NIPBL: variants seen among roughly 807,000 people sequenced by gnomAD.
NIPBL encodes the protein NIPBL cohesin loading factor, also known as nipped-B-like protein.
Under a neutral mutation model 321.8 loss-of-function variants are expected in NIPBL, and 19 were observed. That is an observed-to-expected ratio of 0.06 (90% CI 0.04 to 0.09). The LOEUF (loss-of-function observed/expected upper bound fraction) is 0.09, where lower values mean the gene tolerates loss of function less well. Among genes scored for constraint, NIPBL ranks in the 10% least tolerant of loss-of-function variants. NIPBL has a pLI of 1.00. For synonymous variants in NIPBL, 1,106 were observed against 1,114.1 expected (o/e 0.99, Z 0.14); for missense variants, 2,210 against 3,327.0 (o/e 0.66, Z 8.26).
chr5:37,029,174 C>T (rs888210046), intron 32 of NIPBL, among the ~76,000 whole-genome samples: 1 of 152,154 alleles, frequency 6.6e-6, no homozygotes, highest in African/African-American at 2.4e-5. Context: ...TGATGATATA[C>T]AGTCATGTAA....
intron 31 of NIPBL, 25 bp downstream of exon 31, chr5:37,026,352 T>C: frequency 1.5e-6 from 2 of 1,359,512 alleles, no homozygotes; most frequent in Non-Finnish European, 2.1e-6. Context: ...AACAAGGGTG[T>C]GGTCACTGTT....
intron 16 of NIPBL, among the ~76,000 whole-genome samples, chr5:37,005,130 G>A (rs1747273854): frequency 6.6e-6 from 1 of 152,118 alleles, no homozygotes; most frequent in African/African-American, 2.4e-5. Context: ...TTTATATGTA[G>A]TCCAAGACAA....
intron 4 of NIPBL, among the ~76,000 whole-genome samples, chr5:36,960,824 A>C (rs1741532777): frequency 6.6e-6 from 1 of 152,182 alleles, no homozygotes; most frequent in Admixed American, 6.5e-5. Flanking sequence ...TTGAGAAATA[A>C]TGTCTAGCTT....
rs1220076769 is a variant in NIPBL at position 37,058,973 on chromosome 5, C to T, written c.7493C>T (p.Ser2498Phe). The T allele has an allele frequency of 6.2e-7, 1 of 1,614,030 alleles. No individual in the cohort carries two copies. Among genetic ancestry groups the T allele is most frequent in the Non-Finnish European group, 8.5e-7 (1 of 1,180,024 alleles). Residue 2498 changes from serine to phenylalanine, a missense_variant, in exon 44 of 47, where the codon TCC becomes TTC. Coordinates refer to ENST00000282516, the MANE Select transcript of NIPBL (RefSeq NM_133433.4). ...NESSDSEEEVSRPRKSRKRVD... is the reference protein window; with the variant it reads ...NESSDSEEEVFRPRKSRKRVD... The stretch of plus-strand genomic sequence containing the variant: ...TCAAGCGACAGTGAAGAAGAAGTTT[C>T]CAGGCCTCGGAAGTCACGGAAACGT...
At chr5:37,062,698 T>C (rs1391349607) in intron 45 of NIPBL, among the ~76,000 whole-genome samples, 1 of 152,196 alleles carries the variant, frequency 6.6e-6, no homozygotes, top group African/African-American at 2.4e-5. Context: ...TGTAGGAGGT[T>C]TGCTTGAGTC....
At chr5:36,892,598 C>T (rs1401463800) in intron 1 of NIPBL, among the ~76,000 whole-genome samples, 1 of 152,128 alleles carries the variant, frequency 6.6e-6, no homozygotes, top group Admixed American at 6.5e-5. Context: ...CCATGGAATA[C>T]TATGCAGCCA....
intron 6 of NIPBL, among the ~76,000 whole-genome samples, chr5:36,968,881 A>C (rs937407961): frequency 6.6e-6 from 1 of 152,198 alleles, no homozygotes; most frequent in African/African-American, 2.4e-5. Context: ...GGAAGAAAAA[A>C]GTGTCATTTT....
intron 24 of NIPBL, 144 bp downstream of exon 24, chr5:37,017,306 G>C (rs1749101645): frequency 2.8e-6 from 2 of 707,084 alleles, no homozygotes; most frequent in Non-Finnish European, 4.7e-6. Context: ...GCCCCAGTGA[G>C]AAATTTTAAG....
At chr5:37,027,496 T>A in intron 32 of NIPBL, 84 bp downstream of exon 32, 1 of 979,972 alleles carries the variant, frequency 1.0e-6, no homozygotes, top group Non-Finnish European at 1.6e-6. Context: ...TTGGACTGTA[T>A]GATTTAAAAG....
At chr5:36,951,764 A>G (rs1580312899) in intron 1 of NIPBL, among the ~76,000 whole-genome samples, 1 of 152,146 alleles carries the variant, frequency 6.6e-6, no homozygotes. Context: ...TAGCTTTCCT[A>G]TATTATTTCC....
intron 1 of NIPBL, among the ~76,000 whole-genome samples, chr5:36,882,282 C>T (rs1056080275): frequency 6.6e-6 from 1 of 151,736 alleles, no homozygotes. Flanking sequence ...TTGTGTCTGG[C>T]ACTATGTTGA....
intron 24 of NIPBL, among the ~76,000 whole-genome samples, chr5:37,019,013 G>A (rs574355685): frequency 6.6e-6 from 1 of 152,090 alleles, no homozygotes; most frequent in African/African-American, 2.4e-5. Context: ...TGAGGTAGGA[G>A]AATTGCTTGA....
chr5:36,993,682 C>T (rs1228728279), intron 10 of NIPBL, among the ~76,000 whole-genome samples: 2 of 151,518 alleles, frequency 1.3e-5, no homozygotes, highest in African/African-American at 2.4e-5. Flanking sequence ...AAAAAAATCC[C>T]GTGATGGATG....
rs1197600915 is a variant in NIPBL at position 37,057,350 on chromosome 5, C to T, written c.7410+18C>T. ...TCAAGGAGGTAAGTTACACACATTA[C>T]TATTCTTAATCCATCTGTCAAAGTG... On this transcript the variant is annotated intron_variant, in intron 43 of 46. Coordinates refer to ENST00000282516, the MANE Select transcript of NIPBL (RefSeq NM_133433.4). The T allele has an allele frequency of 2.5e-6, 4 of 1,609,776 alleles. No homozygotes were observed. The highest frequency in any genetic ancestry group is 3.4e-6 in the Non-Finnish European group (4 of 1,176,586).
chr5:36,975,603 T>C (rs1383935467), intron 8 of NIPBL, among the ~76,000 whole-genome samples, 173 bp from the exon 9 acceptor site: 1 of 152,172 alleles, frequency 6.6e-6, no homozygotes, highest in Non-Finnish European at 1.5e-5. Flanking sequence ...TAAACAACTG[T>C]GTGGGACAAG....
chr5:37,002,854 G>A (rs1237340283), intron 15 of NIPBL, 89 bp downstream of exon 15: 3 of 806,412 alleles, frequency 3.7e-6, no homozygotes, highest in African/African-American at 3.5e-5. Flanking sequence ...TAAAATTTAT[G>A]TAAAGTAAAT....
intron 8 of NIPBL, among the ~76,000 whole-genome samples, chr5:36,974,249 A>G (rs1466160566): frequency 6.6e-6 from 1 of 152,170 alleles, no homozygotes; most frequent in African/African-American, 2.4e-5. Context: ...CTTTAAAACA[A>G]ATAACCTCAC....
At position 37,008,682 on chromosome 5, in the gene NIPBL, T is replaced by C. The variant is rs765326455; in HGVS notation, c.4380T>C (p.Leu1460=). 1.9e-6 allele frequency: 3 copies of C among 1,606,984 alleles called. No individual in the cohort carries two copies. The highest frequency in any genetic ancestry group is 2.6e-6 in the Non-Finnish European group (3 of 1,173,708). Residue 1460 remains leucine, a synonymous_variant, in exon 20 of 47, where the codon CTT becomes CTC. Transcript: ENST00000282516. ...TTTTGGAAGAAATTTTTACTTCACT[T>C]GCAAGATTACCAACCAGCAAGAGGA... The part of the protein sequence containing the change: ...QLILEEIFTS[L]ARLPTSKRSL...
intron 1 of NIPBL, among the ~76,000 whole-genome samples, chr5:36,881,588 G>T (rs1745507314): frequency 6.6e-6 from 1 of 151,904 alleles, no homozygotes; most frequent in Admixed American, 6.5e-5. Flanking sequence ...ACTGCCCATG[G>T]TCCTACAATT....
Sources: gnomAD v4.1 joint callset for allele counts (sites outside exome capture counted in the v4.1 genomes callset) on GRCh38, gnomAD v4.1.1 for gene constraint, MANE v1.5 for transcripts, NCBI Gene and HGNC (gene_info 2026-07-23, HGNC 2026-07-21) for gene names.